HS3ST4: variants seen among roughly 807,000 people sequenced by gnomAD.
HS3ST4 encodes the protein heparan sulfate-glucosamine 3-sulfotransferase 4, also known as heparan sulfate glucosamine 3-O-sulfotransferase 4.
A neutral mutation model predicts 29.2 loss-of-function variants in HS3ST4; 17 were observed. The ratio of observed to expected loss-of-function variants is 0.58; its 90% CI spans 0.40 to 0.87. HS3ST4 has a LOEUF of 0.87. Among genes scored for constraint, HS3ST4 ranks in the 40% least tolerant of loss-of-function variants. The pLI is 0.00. For synonymous variants in HS3ST4, 314 were observed against 285.7 expected (o/e 1.10, Z -1.00); for missense variants, 627 against 634.5 (o/e 0.99, Z 0.13).
At chr16:25,797,799 A>C (rs1440863550) in intron 1 of HS3ST4, among the ~76,000 whole-genome samples, 1 of 152,214 alleles carries the variant, frequency 6.6e-6, no homozygotes, top group East Asian at 1.9e-4. Flanking sequence ...GGAAATTGGC[A>C]TTACTCAAAC....
intron 1 of HS3ST4, among the ~76,000 whole-genome samples, chr16:26,084,748 C>T (rs1898765308): frequency 6.6e-6 from 1 of 151,992 alleles, no homozygotes; most frequent in Admixed American, 6.5e-5. Flanking sequence ...CCATGACTGG[C>T]TAATTATTTT....
chr16:25,771,259 T>G (rs1265074638), intron 1 of HS3ST4, among the ~76,000 whole-genome samples: 1 of 152,070 alleles, frequency 6.6e-6, no homozygotes, highest in African/African-American at 2.4e-5. Flanking sequence ...TCTGTTCCTG[T>G]GTGAGTTTCA....
intron 1 of HS3ST4, among the ~76,000 whole-genome samples, chr16:25,700,269 G>T (rs1295737758): frequency 6.6e-6 from 1 of 152,184 alleles, no homozygotes; most frequent in Non-Finnish European, 1.5e-5. Context: ...AGGTGGACAG[G>T]CTCTGTGGAC....
At chr16:25,953,714 C>T (rs562387334) in intron 1 of HS3ST4, among the ~76,000 whole-genome samples, 11 of 152,198 alleles carry the variant, frequency 7.2e-5, no homozygotes, top group South Asian at 6.2e-4. Context: ...CAAGTGGTTC[C>T]GGGAAGCACT....
At chr16:25,757,843 G>A (rs12149474) in intron 1 of HS3ST4, among the ~76,000 whole-genome samples, 16,368 of 152,036 alleles carry the variant, frequency 0.11, 967 homozygotes, top group Middle Eastern at 0.13. Flanking sequence ...CTTGTAAACT[G>A]TAGAGTTCCC....
At chr16:26,069,728 C>T (rs1898581224) in intron 1 of HS3ST4, among the ~76,000 whole-genome samples, 1 of 123,216 alleles carries the variant, frequency 8.1e-6, no homozygotes, top group Admixed American at 9.3e-5. Context: ...CACAACAGGC[C>T]CTGGTGTGTG....
At chr16:25,764,424 T>C (rs1398150521) in intron 1 of HS3ST4, among the ~76,000 whole-genome samples, 1 of 152,190 alleles carries the variant, frequency 6.6e-6, no homozygotes, top group Non-Finnish European at 1.5e-5. Flanking sequence ...AGCCAGGACA[T>C]ATCCAAGCTT....
intron 1 of HS3ST4, among the ~76,000 whole-genome samples, chr16:25,990,286 G>A (rs1969103109): frequency 6.6e-6 from 1 of 152,182 alleles, no homozygotes; most frequent in Non-Finnish European, 1.5e-5. Context: ...CAGTGTGATT[G>A]CTGGGTTATA....
rs759837343 is a variant in HS3ST4, at chr16:26,135,694, C to T, written c.817C>T (p.Arg273Cys). 1.2e-6 allele frequency: 2 copies of T among 1,613,856 alleles called. No homozygotes were observed. Among genetic ancestry groups the T allele is most frequent in the Non-Finnish European group, 1.7e-6 (2 of 1,179,908 alleles). The change falls in exon 2 of 2, where the codon CGC becomes TGC. Residue 273 changes from arginine (R) to cysteine (C), a missense_variant. Arg to Cys is a radical substitution (Grantham distance 180, BLOSUM62 -3). Transcript: ENST00000331351. ...CTTTGTGACAAATGAGGCTCCCAAG[C>T]GCATTCACTCCATGGCCAAGGACAT... ...SYFVTNEAPK[R>C]IHSMAKDIKL...
Position 26,082,802 on chromosome 16 carries a change from G to T in HS3ST4, c.735-52810G>T, listed in dbSNP as rs76522564. 3.5e-4 allele frequency among the ~76,000 whole-genome samples: 53 copies of T among 152,286 alleles called. No individual in the cohort carries two copies. The East Asian group carries it at 8.3e-3, about 24-fold the overall frequency. ...CTGGAATTCCAGGTGCCAACTTCAT[G>T]GAGCAACCTTACCTCCATCCCCTTG... is the stretch of plus-strand genomic sequence containing the variant. On this transcript the variant is annotated intron_variant, in intron 1 of 1. Coordinates refer to ENST00000331351, the MANE Select transcript of HS3ST4 (RefSeq NM_006040.3).
At chr16:25,723,810 A>G (rs1343796900) in intron 1 of HS3ST4, among the ~76,000 whole-genome samples, 2 of 152,170 alleles carry the variant, frequency 1.3e-5, no homozygotes, top group African/African-American at 4.8e-5. Context: ...ATCACCTACT[A>G]AATAGAAATC....
chr16:26,026,010 G>T (rs1012497169), intron 1 of HS3ST4, among the ~76,000 whole-genome samples: 1 of 152,000 alleles, frequency 6.6e-6, no homozygotes, highest in Admixed American at 6.6e-5. Flanking sequence ...TCTTGATCTC[G>T]TGGTCTGCCT....
chr16:26,025,750 A>G (rs755719915), intron 1 of HS3ST4, among the ~76,000 whole-genome samples: 20 of 152,284 alleles, frequency 1.3e-4, no homozygotes, highest in Non-Finnish European at 2.5e-4. Flanking sequence ...AAGGCTTAGC[A>G]ACAACACCAC....
intron 1 of HS3ST4, among the ~76,000 whole-genome samples, chr16:26,024,689 G>T (rs909629647): frequency 6.6e-6 from 1 of 152,086 alleles, no homozygotes; most frequent in Non-Finnish European, 1.5e-5. Flanking sequence ...CCAAGATCGT[G>T]CCACTGCCCT....
At chr16:25,948,157 A>G (rs1386510258) in intron 1 of HS3ST4, among the ~76,000 whole-genome samples, 2 of 152,174 alleles carry the variant, frequency 1.3e-5, no homozygotes, top group African/African-American at 4.8e-5. Flanking sequence ...TCTCAGACCT[A>G]AGTATTTATC....
intron 1 of HS3ST4, among the ~76,000 whole-genome samples, chr16:25,941,167 T>C (rs1033499969): frequency 3.3e-5 from 5 of 152,106 alleles, no homozygotes; most frequent in African/African-American, 1.2e-4. Flanking sequence ...TGTTTTTTTG[T>C]TAGTTTGTTT....
At chr16:25,760,086 A>C (rs1966780080) in intron 1 of HS3ST4, among the ~76,000 whole-genome samples, 1 of 152,242 alleles carries the variant, frequency 6.6e-6, no homozygotes, top group East Asian at 1.9e-4. Context: ...TTGTGCGTCT[A>C]TGAGGGCTGC....
At chr16:26,041,038 G>A (rs57338010) in intron 1 of HS3ST4, among the ~76,000 whole-genome samples, 4 of 152,110 alleles carry the variant, frequency 2.6e-5, no homozygotes, top group African/African-American at 7.2e-5. Context: ...CTGGCTACAC[G>A]TTGGAATCAC....
intron 1 of HS3ST4, among the ~76,000 whole-genome samples, chr16:26,121,870 T>A (rs1356509723): frequency 6.6e-6 from 1 of 152,208 alleles, no homozygotes; most frequent in Admixed American, 6.5e-5. Flanking sequence ...TGAGTGTTTA[T>A]GAATAAAGTA....
Sources: gnomAD v4.1 joint callset for allele counts (sites outside exome capture counted in the v4.1 genomes callset) on GRCh38, gnomAD v4.1.1 for gene constraint, MANE v1.5 for transcripts, NCBI Gene and HGNC (gene_info 2026-07-23, HGNC 2026-07-21) for gene names.